The following SKIC3 variants were observed in gnomAD, a reference collection of about 807,000 sequenced individuals.
SKIC3 encodes the protein SKI3 subunit of superkiller complex.
the SKIC3 span, among the ~76,000 whole-genome samples, chr5:95,509,310 C>A: frequency 6.6e-6 from 1 of 152,056 alleles, no homozygotes; most frequent in Non-Finnish European, 1.5e-5. Context: ...GGCACGCAGA[C>A]ACACTGAAGG....
At chr5:95,481,466 T>G in the SKIC3 span, among the ~76,000 whole-genome samples, 10 of 152,186 alleles carry the variant, frequency 6.6e-5, no homozygotes, top group African/African-American at 2.4e-4. Context: ...TTCTGTAAAT[T>G]GCCCAGTCTC....
the SKIC3 span, among the ~76,000 whole-genome samples, chr5:95,519,375 T>C: frequency 6.6e-6 from 1 of 152,068 alleles, no homozygotes; most frequent in African/African-American, 2.4e-5. Flanking sequence ...ACATTTTTCA[T>C]AGCCTTTTCT....
chr5:95,517,103 A>T, the SKIC3 span: 62 of 1,613,402 alleles, frequency 3.8e-5, no homozygotes, highest in Non-Finnish European at 4.9e-5. Context: ...ACAATGCCTT[A>T]ATTCAATTCA....
the SKIC3 span, among the ~76,000 whole-genome samples, chr5:95,546,048 A>T: frequency 6.6e-6 from 1 of 152,110 alleles, no homozygotes; most frequent in Non-Finnish European, 1.5e-5. Flanking sequence ...ATTGCCTATC[A>T]GCCCACCTCT....
chr5:95,529,992 T>A, the SKIC3 span: 5 of 1,493,398 alleles, frequency 3.3e-6, no homozygotes, highest in South Asian at 4.6e-5. Flanking sequence ...CCCTTCCACC[T>A]TAGATAGACA....
At chr5:95,541,594 T>C in the SKIC3 span, among the ~76,000 whole-genome samples, 2 of 152,068 alleles carry the variant, frequency 1.3e-5, no homozygotes, top group East Asian at 1.9e-4. Flanking sequence ...TCTTCTATTA[T>C]ATTGACTGAA....
the SKIC3 span, among the ~76,000 whole-genome samples, chr5:95,509,433 G>A: frequency 1.3e-5 from 2 of 152,126 alleles, no homozygotes; most frequent in African/African-American, 4.8e-5. Flanking sequence ...TCCAGGCCAC[G>A]CACCCAAGAA....
the SKIC3 span, among the ~76,000 whole-genome samples, chr5:95,473,856 T>C: frequency 6.6e-6 from 1 of 152,220 alleles, no homozygotes; most frequent in Non-Finnish European, 1.5e-5. Context: ...TCCCATACTG[T>C]AGGTTGTCTG....
chr5:95,482,390 T>C, the SKIC3 span: 1 of 1,425,350 alleles, frequency 7.0e-7, no homozygotes, highest in Non-Finnish European at 9.9e-7. Flanking sequence ...GCAAGCCAAA[T>C]AAAAATGGAG....
At chr5:95,523,705 C>T in the SKIC3 span, 1 of 1,613,696 alleles carries the variant, frequency 6.2e-7, no homozygotes, top group African/African-American at 1.3e-5. Context: ...CCAGATTCAG[C>T]ATCAGTGTCA....
the SKIC3 span, among the ~76,000 whole-genome samples, chr5:95,552,353 T>G: frequency 3.3e-5 from 5 of 152,340 alleles, no homozygotes; most frequent in South Asian, 8.3e-4. Context: ...AAATATTATT[T>G]TTATTATCCT....
At chr5:95,517,298 C>A in the SKIC3 span, 1 of 1,613,006 alleles carries the variant, frequency 6.2e-7, no homozygotes, top group African/African-American at 1.3e-5. Context: ...AGAGGCAGGA[C>A]ACATCAGCTC....
At chr5:95,497,375 G>T in the SKIC3 span, 1 of 1,489,478 alleles carries the variant, frequency 6.7e-7, no homozygotes, top group Non-Finnish European at 9.3e-7. Flanking sequence ...CATATCACAA[G>T]TTATTTTATC....
chr5:95,487,112 C>T, the SKIC3 span, among the ~76,000 whole-genome samples: 30 of 152,176 alleles, frequency 2.0e-4, no homozygotes, highest in Admixed American at 1.1e-3. Context: ...CAGAAAAACA[C>T]GAAAAAGCAA....
At chr5:95,513,085 G>A in the SKIC3 span, 1 of 178,492 alleles carries the variant, frequency 5.6e-6, no homozygotes, top group Admixed American at 5.4e-5. Context: ...ACCAGCTCTT[G>A]AAAGTTGTAG....
the SKIC3 span, among the ~76,000 whole-genome samples, chr5:95,550,095 G>A: frequency 6.6e-6 from 1 of 151,756 alleles, no homozygotes; most frequent in Non-Finnish European, 1.5e-5. Context: ...TTTTAAATAA[G>A]AGTATTCATT....
At chr5:95,492,498 G>A in the SKIC3 span, among the ~76,000 whole-genome samples, 571 of 146,002 alleles carry the variant, frequency 3.9e-3, 4 homozygotes, top group South Asian at 7.6e-3. Context: ...TTAGCCGGGC[G>A]TAGTGGCGGG....
At chr5:95,478,337 G>A in the SKIC3 span, 1 of 1,613,976 alleles carries the variant, frequency 6.2e-7, no homozygotes. Flanking sequence ...AGACTTGAGA[G>A]CTTCCCACTC....
At chr5:95,513,524 C>T in the SKIC3 span, 2 of 1,580,966 alleles carry the variant, frequency 1.3e-6, no homozygotes, top group Non-Finnish European at 1.7e-6. Flanking sequence ...ACAAGGATAA[C>T]ACTTTTCTCA....
Sources: gnomAD v4.1 joint callset for allele counts (sites outside exome capture counted in the v4.1 genomes callset) on GRCh38, gnomAD v4.1.1 for gene constraint, MANE v1.5 for transcripts, NCBI Gene and HGNC (gene_info 2026-07-23, HGNC 2026-07-21) for gene names.